Variants in CAMSAP1 observed in about 807,000 individuals in gnomAD.
CAMSAP1 encodes the protein calmodulin-regulated spectrin-associated protein 1.
A neutral mutation model predicts 143.5 loss-of-function variants in CAMSAP1; 58 were observed. The observed-to-expected ratio is 0.40, with a 90% CI of 0.33 to 0.50. The LOEUF (loss-of-function observed/expected upper bound fraction) is 0.50, where lower values mean the gene tolerates loss of function less well. Among genes scored for constraint, CAMSAP1 ranks in the 20% least tolerant of loss-of-function variants. The pLI is 0.45. For synonymous variants in CAMSAP1, 945 were observed against 859.3 expected (o/e 1.10, Z -1.74); for missense variants, 1,969 against 2,115.7 (o/e 0.93, Z 1.36).
intron 1 of CAMSAP1, among the ~76,000 whole-genome samples, chr9:135,893,704 A>G (rs1311829630): frequency 9.9e-5 from 15 of 152,254 alleles, no homozygotes; most frequent in Non-Finnish European, 1.9e-4. Flanking sequence ...CTCAAGAAGC[A>G]CTACAAAATG....
chr9:135,866,802 T>C (rs1837395117), intron 3 of CAMSAP1, among the ~76,000 whole-genome samples: 1 of 151,722 alleles, frequency 6.6e-6, no homozygotes, highest in African/African-American at 2.4e-5. Context: ...CGGGGCAGAG[T>C]CACTACATCT....
At position 135,850,444 on chromosome 9, in the gene CAMSAP1, C is replaced by A. The variant is rs1314764732; in HGVS notation, c.826G>T (p.Val276Leu). The A allele has an allele frequency of 1.3e-6, 2 of 1,594,794 alleles. No homozygotes were observed. Among genetic ancestry groups the A allele is most frequent in the African/African-American group, 1.4e-5 (1 of 73,782 alleles). Residue 276 changes from valine (V) to leucine (L), a missense_variant, in exon 6 of 17, where the codon GTA becomes TTA. By Grantham distance (32) the Val-to-Leu change is conservative. Transcript: ENST00000389532. ...TACAGACTGTCGGCCATCGACGTTA[C>A]CTCCTTTAAGCATATATCTAATAGA... ...MKLDDICLKEVTSMADSLYNI... is the reference protein window; with the variant it reads ...MKLDDICLKELTSMADSLYNI...
intron 7 of CAMSAP1, chr9:135,836,286 C>T: frequency 1.0e-6 from 1 of 984,978 alleles, no homozygotes; most frequent in Non-Finnish European, 1.2e-6. Context: ...CACACATCAC[C>T]ACGTACCTTC....
At chr9:135,883,730 G>A (rs1016570648) in intron 1 of CAMSAP1, among the ~76,000 whole-genome samples, 3 of 152,280 alleles carry the variant, frequency 2.0e-5, no homozygotes, top group Non-Finnish European at 4.4e-5. Context: ...CATGAACCAC[G>A]CTACTTAATC....
intron 1 of CAMSAP1, among the ~76,000 whole-genome samples, chr9:135,891,426 C>T (rs1838287583): frequency 6.6e-6 from 1 of 152,244 alleles, no homozygotes; most frequent in South Asian, 2.1e-4. Flanking sequence ...TCTGGGCTTA[C>T]TCCTGAGCTG....
Position 135,820,919 on chromosome 9 carries a change from C to A in CAMSAP1, c.3742G>T (p.Gly1248Trp), listed in dbSNP as rs751076109. ...GAGCCATCGAGGCTTACCAGCTCCCCATCCTCGTCGGGGGCCTTCAGGTCG... is the reference window on the plus strand; with the variant it reads ...GAGCCATCGAGGCTTACCAGCTCCCAATCCTCGTCGGGGGCCTTCAGGTCG... ...LSDLKAPDED[G>W]ELVSLDGSAD... is the part of the protein sequence containing the mutation. The change falls in exon 11 of 17, where the codon GGG becomes TGG. Residue 1248 changes from glycine (G) to tryptophan (W), a missense_variant. Around this residue, in one of 4 missense-constraint regions of CAMSAP1, gnomAD observed 1,390 missense variants for 1,420.8 expected, o/e 0.98. Coordinates refer to ENST00000389532, the MANE Select transcript of CAMSAP1 (RefSeq NM_015447.4). The surrounding 1 kb of genome is among the most constrained non-coding windows in gnomAD (Gnocchi z 4.4). 8 of 1,613,724 alleles carry A rather than the reference C, an allele frequency of 5.0e-6. No individual in the cohort carries two copies. The highest frequency in any genetic ancestry group is 1.7e-5 in the Admixed American group (1 of 60,002).
chr9:135,868,131 A>G (rs1260927845), intron 3 of CAMSAP1, among the ~76,000 whole-genome samples: 1 of 152,192 alleles, frequency 6.6e-6, no homozygotes, highest in Non-Finnish European at 1.5e-5. Context: ...TTCAGAAAAA[A>G]AAACAAAAAA....
At position 135,818,121 on chromosome 9, in the gene CAMSAP1, C is replaced by T. The variant is rs925213865; in HGVS notation, c.4169-42G>A. On this transcript the variant is annotated intron_variant, in intron 13 of 16. Coordinates refer to ENST00000389532, the MANE Select transcript of CAMSAP1 (RefSeq NM_015447.4). The surrounding 1 kb of genome is among the most constrained non-coding windows in gnomAD (Gnocchi z 7.7). The stretch of plus-strand genomic sequence containing the variant: ...CAGACGACGGTTCATGAACGGATTC[C>T]GACAGACAAGTACCTGTCCCCTGTA... The T allele has an allele frequency of 1.4e-5, 23 of 1,591,588 alleles. No individual in the cohort carries two copies. The highest frequency in any genetic ancestry group is 3.3e-5 in the South Asian group (3 of 89,944).
At chr9:135,849,981 T>C (rs1836715639) in intron 7 of CAMSAP1, 156 bp downstream of exon 7, 2 of 556,140 alleles carry the variant, frequency 3.6e-6, no homozygotes, top group East Asian at 6.1e-5. Context: ...TAGAAAGCCT[T>C]TCCCCAAACT....
chr9:135,815,066 A>G (rs754059685), intron 16 of CAMSAP1, 31 bp downstream of exon 16: 1 of 1,480,188 alleles, frequency 6.8e-7, no homozygotes, highest in South Asian at 1.2e-5. Context: ...TTTATTCCAC[A>G]TAAAAACTGA....
chr9:135,829,513 C>T (rs1289057272), intron 7 of CAMSAP1, among the ~76,000 whole-genome samples: 1 of 151,404 alleles, frequency 6.6e-6, no homozygotes, highest in African/African-American at 2.4e-5. Context: ...CAGAGCAAGA[C>T]CTTGTCTCAA....
chr9:135,815,244 T>C (rs1275019210), intron 15 of CAMSAP1, 29 bp from the exon 16 acceptor site: 5 of 1,508,566 alleles, frequency 3.3e-6, no homozygotes, highest in Non-Finnish European at 4.5e-6. Flanking sequence ...GTTGGTAAAA[T>C]TATTATTTTA....
chr9:135,854,825 C>G (rs180719690), intron 5 of CAMSAP1, among the ~76,000 whole-genome samples: 266 of 152,220 alleles, frequency 1.7e-3, no homozygotes, highest in African/African-American at 4.6e-3. Flanking sequence ...ACATAGGTAA[C>G]CTCATGCCAC....
Position 135,881,706 on chromosome 9 carries a change from C to A in CAMSAP1, c.512G>T (p.Arg171Leu), listed in dbSNP as rs770689161. The A allele has an allele frequency of 6.4e-7, 1 of 1,551,858 alleles. No individual in the cohort carries two copies. The highest frequency in any genetic ancestry group is 2.0e-5 in the Admixed American group (1 of 51,002). ...TTTCGAGGCACTGAACGTTGAGAAG[C>A]GCTTGACACTGGCCACCACCTTCTC... Reference protein sequence around the residue: ...SIEKVVASVKRFSTFSASKEL... With the variant: ...SIEKVVASVKLFSTFSASKEL... Residue 171 changes from arginine to leucine, a missense_variant, in exon 3 of 17, where the codon CGC becomes CTC. By Grantham distance (102) the Arg-to-Leu change is moderately radical (BLOSUM62 -2). Transcript: ENST00000389532.
chr9:135,861,218 G>A (rs1837176289), intron 5 of CAMSAP1, among the ~76,000 whole-genome samples: 1 of 152,154 alleles, frequency 6.6e-6, no homozygotes, highest in Non-Finnish European at 1.5e-5. Context: ...TCAGGCCCAA[G>A]GGGCCCCAGG....
intron 5 of CAMSAP1, 64 bp from the exon 6 acceptor site, chr9:135,850,525 C>A: frequency 7.4e-7 from 1 of 1,348,492 alleles, no homozygotes. Context: ...GAGAGAGAAG[C>A]ATTCTAAAAT....
rs146370250 is a variant in CAMSAP1, at chr9:135,878,521, G to A, written c.585+3112C>T. Among the ~76,000 whole-genome samples the A allele has an allele frequency of 3.4e-3, 521 of 152,294 alleles. 3 individuals are homozygous for A. Among genetic ancestry groups the A allele is most frequent in the Middle Eastern group, 0.014 (4 of 294 alleles). ...CCTTATGCATCAAAGAATTGATGCT[G>A]GAGAAAAAACTCACCCTTATGGAAA... On this transcript the variant is annotated intron_variant, in intron 3 of 16. Transcript: ENST00000389532.
intron 3 of CAMSAP1, among the ~76,000 whole-genome samples, chr9:135,879,499 A>G (rs10124174): frequency 0.15 from 22,398 of 152,038 alleles, 1,833 homozygotes; most frequent in East Asian, 0.37. Context: ...AATTTTACCC[A>G]GAATTAAGTT....
intron 4 of CAMSAP1, among the ~76,000 whole-genome samples, chr9:135,863,357 C>G (rs117537264): frequency 2.2e-3 from 337 of 152,352 alleles, no homozygotes; most frequent in Non-Finnish European, 4.1e-3. Flanking sequence ...GCAGGACACT[C>G]AGCCCCAGCC....
Sources: allele counts gnomAD v4.1 joint callset (sites outside exome capture counted in the v4.1 genomes callset), GRCh38; gene constraint gnomAD v4.1.1; regional missense constraint gnomAD v4.1.1; non-coding constraint Gnocchi (gnomAD v3.1); transcripts MANE v1.5; gene names NCBI Gene and HGNC (gene_info 2026-07-23, HGNC 2026-07-21).